The following TSHZ2 variants were observed in gnomAD, a reference collection of about 807,000 sequenced individuals.
The protein encoded by TSHZ2 is teashirt homolog 2.
In TSHZ2, 21 loss-of-function variants were observed where a neutral mutation model predicts 74.4. The observed-to-expected ratio is 0.28, with a 90% CI of 0.20 to 0.41. The LOEUF (loss-of-function observed/expected upper bound fraction) is 0.41, where lower values mean the gene tolerates loss of function less well. Among genes scored for constraint, TSHZ2 ranks in the 10% least tolerant of loss-of-function variants. The pLI, the probability that TSHZ2 is intolerant of heterozygous loss-of-function variation, is 1.00. For missense variants in TSHZ2, 1,244 were observed against 1,293.5 expected, an observed-to-expected ratio of 0.96 and a Z score of 0.59; for synonymous variants, 540 against 515.3, an observed-to-expected ratio of 1.05 and a Z score of -0.65.
intron 1 of TSHZ2, among the ~76,000 whole-genome samples, chr20:53,005,228 G>A (rs778136902): frequency 3.3e-5 from 5 of 152,106 alleles, no homozygotes; most frequent in Admixed American, 6.6e-5. Flanking sequence ...CAGGAGAATC[G>A]CTTGAACCTG....
chr20:53,274,632 C>A (rs1226886505), intron 2 of TSHZ2, among the ~76,000 whole-genome samples: 2 of 152,214 alleles, frequency 1.3e-5, no homozygotes, highest in Admixed American at 1.3e-4. Flanking sequence ...AATTTGCAAT[C>A]CATAATTGTA....
chr20:53,405,510 T>C (rs1160923508), intron 2 of TSHZ2, among the ~76,000 whole-genome samples: 1 of 152,224 alleles, frequency 6.6e-6, no homozygotes, highest in East Asian at 1.9e-4. Flanking sequence ...CAAATATTTA[T>C]TGAGTGCTTA....
chr20:53,014,135 G>C (rs1322194887), intron 1 of TSHZ2, among the ~76,000 whole-genome samples: 3 of 152,088 alleles, frequency 2.0e-5, no homozygotes, highest in Non-Finnish European at 4.4e-5. Flanking sequence ...TGCTAGCATT[G>C]TCAAGTTTCT....
intron 2 of TSHZ2, among the ~76,000 whole-genome samples, chr20:53,333,459 C>CTT (rs780903034): frequency 7.2e-6 from 1 of 139,174 alleles, no homozygotes. Context: ...AGCATGGTTT[C>CTT]TTTTTTTTTT....
At chr20:53,183,806 G>A (rs531861395) in intron 1 of TSHZ2, among the ~76,000 whole-genome samples, 71 of 152,330 alleles carry the variant, frequency 4.7e-4, no homozygotes, top group African/African-American at 1.3e-3. Flanking sequence ...TCACAAGGCA[G>A]CATCGTTAGA....
chr20:52,994,483 T>G (rs540002638), intron 1 of TSHZ2, among the ~76,000 whole-genome samples: 2 of 152,276 alleles, frequency 1.3e-5, no homozygotes, highest in South Asian at 4.2e-4. Context: ...AATAAATGAA[T>G]GCATAAAGAT....
chr20:53,190,135 A>ATTTTTTTTTTT (rs1568803527), intron 1 of TSHZ2, among the ~76,000 whole-genome samples: 1 of 89,902 alleles, frequency 1.1e-5, no homozygotes, highest in African/African-American at 4.3e-5. Flanking sequence ...ATATATATAT[A>ATTTTTTTTTTT]TATTTTCTTA....
chr20:53,469,064 T>TATATATATATAC (rs1555872268), intron 2 of TSHZ2, among the ~76,000 whole-genome samples: 18 of 123,450 alleles, frequency 1.5e-4, no homozygotes, highest in African/African-American at 5.7e-4. Context: ...TATATATATA[T>TATATATATATAC]ATATATATAT....
At chr20:53,399,388 C>T (rs1176546472) in intron 2 of TSHZ2, 2 of 152,140 alleles carry the variant, frequency 1.3e-5, no homozygotes, top group Admixed American at 6.6e-5. Context: ...TTATGAATGG[C>T]CTTTCTTGTC....
chr20:53,443,306 G>C (rs144251417), intron 2 of TSHZ2, among the ~76,000 whole-genome samples: 31 of 152,292 alleles, frequency 2.0e-4, no homozygotes, highest in Admixed American at 3.9e-4. Flanking sequence ...TGATGTTTAA[G>C]AGGGATCTTT....
intron 2 of TSHZ2, among the ~76,000 whole-genome samples, chr20:53,386,619 T>A (rs1049837720): frequency 1.3e-5 from 2 of 152,260 alleles, no homozygotes; most frequent in African/African-American, 4.8e-5. Flanking sequence ...GCGACACTTC[T>A]GATTTAGTAT....
intron 2 of TSHZ2, among the ~76,000 whole-genome samples, chr20:53,443,247 A>T (rs1984409746): frequency 6.6e-6 from 1 of 152,192 alleles, no homozygotes; most frequent in East Asian, 1.9e-4. Flanking sequence ...AAATATATAT[A>T]TTTTAAAAGC....
At chr20:53,201,034 AAAAG>A (rs760404634) in intron 1 of TSHZ2, among the ~76,000 whole-genome samples, 15 of 152,100 alleles carry the variant, frequency 9.9e-5, no homozygotes, top group African/African-American at 2.7e-4. Context: ...TTTTAAGAAA[AAAAG>A]AAATTGAGTC....
intron 2 of TSHZ2, among the ~76,000 whole-genome samples, chr20:53,473,924 G>A (rs1171669699): frequency 5.9e-5 from 9 of 152,030 alleles, no homozygotes; most frequent in South Asian, 2.1e-4. Context: ...AAGATGAAAT[G>A]AATGAAATGA....
At chr20:53,181,908 A>G (rs775901395) in intron 1 of TSHZ2, among the ~76,000 whole-genome samples, 7 of 152,220 alleles carry the variant, frequency 4.6e-5, no homozygotes, top group Non-Finnish European at 7.3e-5. Context: ...GAAAGACTGA[A>G]TTTAGCAAAA....
Position 53,253,926 on chromosome 20 carries a change from C to A in TSHZ2, c.468C>A (p.Asp156Glu). 1 of 1,614,192 alleles carries A rather than the reference C, an allele frequency of 6.2e-7. No homozygotes were observed. The highest frequency in any genetic ancestry group is 1.3e-5 in the African/African-American group (1 of 75,056). Residue 156 changes from aspartate (D) to glutamate (E), a missense_variant, in exon 2 of 3, where the codon GAC becomes GAA. Asp to Glu is a conservative substitution (Grantham distance 45). This residue lies in a region of TSHZ2 where 470 missense variants were observed against 456.5 expected (regional missense o/e 1.03). Transcript: ENST00000371497. ...CCAATAGTGAGAGGAGGAACTGTGA[C>A]ACCCGAAACGGCAGCAACAAGAGTG... The part of the protein sequence containing the change: ...KLSNSERRNC[D>E]TRNGSNKSDF...
rs1257908509 is a variant in TSHZ2, at chr20:53,472,711, G to A, written c.*9-14433G>A. Among the ~76,000 whole-genome samples, 3 of 152,048 alleles carry A rather than the reference G, an allele frequency of 2.0e-5. No individual in the cohort carries two copies. In the East Asian group the frequency reaches 5.9e-4, roughly 30 times the overall value. ...TACAGCTCCCAGCCTGAGCGACGCAGAAGACGGTGATTTCTGCATTTCCAT... is the reference window on the plus strand; with the variant it reads ...TACAGCTCCCAGCCTGAGCGACGCAAAAGACGGTGATTTCTGCATTTCCAT... On this transcript the variant is annotated intron_variant, in intron 2 of 2. Coordinates refer to ENST00000371497, the MANE Select transcript of TSHZ2 (RefSeq NM_173485.6).
At chr20:53,465,598 G>A (rs964616862) in intron 2 of TSHZ2, among the ~76,000 whole-genome samples, 2 of 152,108 alleles carry the variant, frequency 1.3e-5, no homozygotes, top group African/African-American at 4.8e-5. Context: ...TGAAGCAGCA[G>A]GGTACATTGG....
chr20:53,397,262 C>T (rs1982484691), intron 2 of TSHZ2, among the ~76,000 whole-genome samples: 1 of 152,198 alleles, frequency 6.6e-6, no homozygotes, highest in African/African-American at 2.4e-5. Context: ...CTACAAAGAA[C>T]TTAAACAAAT....
Sources: gnomAD v4.1 joint callset for allele counts (sites outside exome capture counted in the v4.1 genomes callset) on GRCh38, gnomAD v4.1.1 for gene constraint, gnomAD v4.1.1 regional missense constraint, MANE v1.5 for transcripts, NCBI Gene and HGNC (gene_info 2026-07-23, HGNC 2026-07-21) for gene names.